LY75: variants seen among roughly 807,000 people sequenced by gnomAD.
LY75 encodes the protein C-type lectin domain family 13 member B.
In LY75, 185 loss-of-function variants were observed where a neutral mutation model predicts 231.7. That is an observed-to-expected ratio of 0.80 (90% CI 0.71 to 0.90). The LOEUF (loss-of-function observed/expected upper bound fraction) is 0.90, where lower values mean the gene tolerates loss of function less well. Among genes scored for constraint, LY75 ranks in the 40% least tolerant of loss-of-function variants. The pLI is 0.00. For missense variants in LY75, 1,947 were observed against 2,050.2 expected (o/e 0.95, Z 0.97); for synonymous variants, 668 against 689.0 (o/e 0.97, Z 0.48).
intron 34 of LY75, 87 bp downstream of exon 34, chr2:159,806,886 A>G (rs2125825770): frequency 1.4e-6 from 2 of 1,468,286 alleles, no homozygotes; most frequent in South Asian, 1.4e-5. Flanking sequence ...TTCAAGACTA[A>G]ATACAGAATT....
Position 159,853,284 on chromosome 2 carries a change from G to T in LY75, c.2732C>A (p.Thr911Asn). Reference sequence around the variant, plus strand: ...AGAATTAACTTTACCGATAAGCCAAGTCTTGGCAGACATGTACAAGCATTC... The same window carrying T: ...AGAATTAACTTTACCGATAAGCCAATTCTTGGCAGACATGTACAAGCATTC... The part of the protein sequence containing the change: ...GEECLYMSAK[T>N]WLIDLGKPTD... Residue 911 changes from threonine (T) to asparagine (N), a missense_variant, in exon 20 of 35, where the codon ACT (threonine) becomes AAT (asparagine). Coordinates refer to ENST00000263636, the MANE Select transcript of LY75 (RefSeq NM_002349.4). 2 of 1,612,522 alleles carry T rather than the reference G, an allele frequency of 1.2e-6. No individual in the cohort carries two copies. Among genetic ancestry groups the T allele is most frequent in the Non-Finnish European group, 1.7e-6 (2 of 1,178,826 alleles).
In LY75 at chr2:159,845,084, T is replaced by C. The variant is rs976654563; in HGVS notation, c.3151-2710A>G. Among the ~76,000 whole-genome samples the C allele has an allele frequency of 2.6e-5, 4 of 152,296 alleles. No homozygotes were observed. In the East Asian group the frequency reaches 5.8e-4, roughly 22 times the overall value. On this transcript the variant is annotated intron_variant, in intron 23 of 34. Transcript: ENST00000263636. ...ATTCCATTCTTTTTATAGCTAAAGT[T>C]GCCATTGTTAATGACAATGAGAAAG...
At chr2:159,855,313 C>T (rs770883019) in intron 16 of LY75, among the ~76,000 whole-genome samples, 11 of 152,230 alleles carry the variant, frequency 7.2e-5, no homozygotes, top group Admixed American at 1.3e-4. Flanking sequence ...ACCAAAATAA[C>T]GGTCATTGAA....
chr2:159,816,054 G>A (rs998277948), intron 30 of LY75, among the ~76,000 whole-genome samples: 1 of 152,096 alleles, frequency 6.6e-6, no homozygotes, highest in African/African-American at 2.4e-5. Context: ...CTCAAAATGG[G>A]AAGACTATTT....
intron 28 of LY75, among the ~76,000 whole-genome samples, chr2:159,829,026 G>A (rs1683567534): frequency 6.6e-6 from 1 of 152,120 alleles, no homozygotes; most frequent in Admixed American, 6.6e-5. Context: ...ATACTAGTGG[G>A]TATTGTGTTT....
intron 12 of LY75, among the ~76,000 whole-genome samples, chr2:159,874,876 A>G (rs1685203765): frequency 1.7e-5 from 2 of 114,450 alleles, no homozygotes; most frequent in South Asian, 6.2e-4. Flanking sequence ...AAATATATAT[A>G]CATATATATT....
At chr2:159,812,773 A>C (rs906839689) in intron 31 of LY75, among the ~76,000 whole-genome samples, 2 of 152,146 alleles carry the variant, frequency 1.3e-5, no homozygotes, top group Non-Finnish European at 2.9e-5. Context: ...TTGTACAACT[A>C]TCACCACCAC....
Position 159,878,628 on chromosome 2 carries a change from C to A in LY75, c.1604+5G>T. The stretch of plus-strand genomic sequence containing the variant: ...TTATGAGTACAAGTTTACTGATGGT[C>A]ACACCTGCTAGTGATAGTCAGATTG... On this transcript the variant is annotated splice_donor_5th_base_variant and intron_variant, in intron 10 of 34. Transcript: ENST00000263636. 1.2e-6 allele frequency: 2 copies of A among 1,613,936 alleles called. No homozygotes were observed. The highest frequency in any genetic ancestry group is 2.2e-5 in the South Asian group (2 of 91,020).
At chr2:159,889,900 GT>G (rs1401924025) in intron 4 of LY75, among the ~76,000 whole-genome samples, 2 of 152,020 alleles carry the variant, frequency 1.3e-5, no homozygotes, top group African/African-American at 4.8e-5. Context: ...ATTTTTCAAT[GT>G]TCAAAGAGTT....
intron 23 of LY75, among the ~76,000 whole-genome samples, chr2:159,848,384 A>G (rs903096322): frequency 1.6e-4 from 25 of 152,012 alleles, no homozygotes; most frequent in Non-Finnish European, 2.8e-4. Flanking sequence ...GAATGACACA[A>G]TGAACTTTGG....
Position 159,808,954 on chromosome 2 carries a change from A to G in LY75, c.4700-383T>C, listed in dbSNP as rs909948572. 9.9e-5 allele frequency among the ~76,000 whole-genome samples: 15 copies of G among 152,212 alleles called. 1 individual carries two copies. Among genetic ancestry groups the G allele is most frequent in the Admixed American group, 7.9e-4 (12 of 15,282 alleles). ...TTTGAACCCAGACCCTCATGCCTCCAAGTCTTAAGTGCTTAACCTACATAT... is the reference window on the plus strand; with the variant it reads ...TTTGAACCCAGACCCTCATGCCTCCGAGTCTTAAGTGCTTAACCTACATAT... On this transcript the variant is annotated intron_variant, in intron 32 of 34. Coordinates refer to ENST00000263636, the MANE Select transcript of LY75 (RefSeq NM_002349.4).
intron 6 of LY75, among the ~76,000 whole-genome samples, chr2:159,882,742 G>A (rs1185746868): frequency 6.6e-6 from 1 of 152,138 alleles, no homozygotes; most frequent in Non-Finnish European, 1.5e-5. Context: ...TCCTTTTCTT[G>A]TATGGCCAGC....
intron 4 of LY75, among the ~76,000 whole-genome samples, chr2:159,887,800 G>C (rs534599261): frequency 1.3e-5 from 2 of 152,006 alleles, no homozygotes; most frequent in Non-Finnish European, 2.9e-5. Flanking sequence ...GGTACAATAA[G>C]GTCCTTTACC....
intron 14 of LY75, 44 bp downstream of exon 14, chr2:159,864,795 A>G (rs959714367): frequency 6.8e-7 from 1 of 1,464,426 alleles, no homozygotes; most frequent in Non-Finnish European, 9.1e-7. Context: ...TATTGAAACA[A>G]ACAGTGTTTC....
chr2:159,849,296 C>T (rs570315642), intron 23 of LY75, among the ~76,000 whole-genome samples: 1 of 152,204 alleles, frequency 6.6e-6, no homozygotes, highest in African/African-American at 2.4e-5. Flanking sequence ...AATCTGCATC[C>T]AGAAAGTATA....
intron 28 of LY75, among the ~76,000 whole-genome samples, chr2:159,823,857 T>C (rs913191448): frequency 6.6e-6 from 1 of 152,126 alleles, no homozygotes; most frequent in Admixed American, 6.6e-5. Context: ...CTAAGCTTCA[T>C]AAGCAAAGGA....
intron 13 of LY75, 76 bp downstream of exon 13, chr2:159,872,375 G>A: frequency 6.5e-7 from 1 of 1,539,722 alleles, no homozygotes; most frequent in Non-Finnish European, 8.8e-7. Context: ...CAGAGAGTGA[G>A]GGTAAGAACA....
In LY75 at chr2:159,879,255, C is replaced by G. The variant is rs1167866143; in HGVS notation, c.1515+4G>C. 3.1e-6 allele frequency: 5 copies of G among 1,608,214 alleles called. No homozygotes were observed. The highest frequency in any genetic ancestry group is 3.4e-6 in the Non-Finnish European group (4 of 1,178,708). On this transcript the variant is annotated splice_donor_region_variant and intron_variant, in intron 9 of 34. Coordinates refer to ENST00000263636, the MANE Select transcript of LY75 (RefSeq NM_002349.4). ...GAGAAAATTTACATAGGGATTTTAC[C>G]TACCTCATCTGGAGGACACATCTTA... is the stretch of plus-strand genomic sequence containing the variant.
chr2:159,858,058 T>C (rs1684596803), intron 16 of LY75, among the ~76,000 whole-genome samples: 1 of 152,236 alleles, frequency 6.6e-6, no homozygotes, highest in Non-Finnish European at 1.5e-5. Flanking sequence ...AAAATGATTC[T>C]GCATTTCTCC....
Sources: allele counts gnomAD v4.1 joint callset (sites outside exome capture counted in the v4.1 genomes callset), GRCh38; gene constraint gnomAD v4.1.1; transcripts MANE v1.5; gene names NCBI Gene and HGNC (gene_info 2026-07-23, HGNC 2026-07-21).